Variants in LAMA2 observed in about 807,000 individuals in gnomAD.
LAMA2 encodes the protein laminin subunit alpha 2, also known as laminin subunit alpha-2.
A neutral mutation model predicts 364.8 loss-of-function variants in LAMA2; 269 were observed. The ratio of observed to expected loss-of-function variants is 0.74; its 90% CI spans 0.67 to 0.82. LAMA2 has a LOEUF of 0.82. Among genes scored for constraint, LAMA2 ranks in the 40% least tolerant of loss-of-function variants. The pLI is 0.00. For synonymous variants in LAMA2, 1,379 were observed against 1,370.6 expected (o/e 1.01, Z -0.14); for missense variants, 3,807 against 3,873.2 (o/e 0.98, Z 0.45).
At chr6:129,324,764 A>C (rs1170828290) in intron 28 of LAMA2, among the ~76,000 whole-genome samples, 3 of 152,220 alleles carry the variant, frequency 2.0e-5, no homozygotes, top group Non-Finnish European at 4.4e-5. Flanking sequence ...ATATTTAAAC[A>C]TAGCAAAGGT....
chr6:128,956,522 G>A (rs1781159317), intron 1 of LAMA2, among the ~76,000 whole-genome samples: 1 of 151,948 alleles, frequency 6.6e-6, no homozygotes, highest in Non-Finnish European at 1.5e-5. Context: ...CAATCAAATA[G>A]GAGAGATAAA....
At chr6:129,117,905 G>A (rs988772542) in intron 4 of LAMA2, among the ~76,000 whole-genome samples, 5 of 152,136 alleles carry the variant, frequency 3.3e-5, no homozygotes, top group African/African-American at 1.2e-4. Flanking sequence ...TATAGTCTGC[G>A]TGCTCAGCCA....
chr6:128,901,081 C>T (rs1006912443), intron 1 of LAMA2, among the ~76,000 whole-genome samples: 8 of 152,250 alleles, frequency 5.3e-5, no homozygotes, highest in South Asian at 2.1e-4. Flanking sequence ...TACTTGAACC[C>T]GGGAGGTCGA....
At chr6:128,968,879 G>A (rs1249673534) in intron 1 of LAMA2, among the ~76,000 whole-genome samples, 4 of 152,128 alleles carry the variant, frequency 2.6e-5, no homozygotes, top group Non-Finnish European at 2.9e-5. Flanking sequence ...TATTCTAAAT[G>A]TTGGGAATTG....
In LAMA2 at chr6:129,464,271, G is replaced by T; in HGVS notation, c.6993-19G>T. On this transcript the variant is annotated intron_variant, in intron 49 of 64. Coordinates refer to ENST00000421865, the MANE Select transcript of LAMA2 (RefSeq NM_000426.4). ...TGAATAGATATGATCTGATTCATGT[G>T]AAATGTCTCTCTTCTCAGTCCTCAG... is the stretch of plus-strand genomic sequence containing the variant. 6.2e-7 allele frequency: 1 copy of T among 1,603,636 alleles called. No homozygotes were observed. Among genetic ancestry groups the T allele is most frequent in the Non-Finnish European group, 8.5e-7 (1 of 1,171,128 alleles).
At chr6:129,279,925 C>CT (rs1788603490) in intron 17 of LAMA2, 136 bp from the exon 18 acceptor site, 1 of 723,160 alleles carries the variant, frequency 1.4e-6, no homozygotes, top group Non-Finnish European at 2.5e-6. Flanking sequence ...ACCCTAATCT[C>CT]TGTCTCTGGG....
chr6:129,297,225 A>G (rs1773240007), intron 20 of LAMA2, among the ~76,000 whole-genome samples: 2 of 152,214 alleles, frequency 1.3e-5, no homozygotes, highest in Admixed American at 6.5e-5. Context: ...TATTAGGGCA[A>G]AAAGGATTAT....
chr6:129,243,865 AAGAAGG>A (rs1455002442), intron 12 of LAMA2, among the ~76,000 whole-genome samples: 1 of 151,886 alleles, frequency 6.6e-6, no homozygotes, highest in Non-Finnish European at 1.5e-5. Context: ...AAAGAAGAAG[AAGAAGG>A]AGGAGGAAGA....
At chr6:128,898,263 G>C (rs1292186850) in intron 1 of LAMA2, among the ~76,000 whole-genome samples, 1 of 152,136 alleles carries the variant, frequency 6.6e-6, no homozygotes, top group Non-Finnish European at 1.5e-5. Context: ...CCTGGTTATG[G>C]ATGGTAATAG....
At chr6:129,394,562 T>C (rs1779501371) in intron 37 of LAMA2, among the ~76,000 whole-genome samples, 2 of 152,324 alleles carry the variant, frequency 1.3e-5, no homozygotes, top group African/African-American at 4.8e-5. Context: ...ATGCTAGCAG[T>C]ATTCCAGAAA....
chr6:129,077,865 G>A (rs1304447068), intron 3 of LAMA2, among the ~76,000 whole-genome samples: 1 of 152,172 alleles, frequency 6.6e-6, no homozygotes, highest in Non-Finnish European at 1.5e-5. Flanking sequence ...CAGGATTTGA[G>A]GGAGTGGAGG....
At chr6:129,089,046 C>T (rs1189800026) in intron 3 of LAMA2, among the ~76,000 whole-genome samples, 1 of 152,244 alleles carries the variant, frequency 6.6e-6, no homozygotes, top group East Asian at 1.9e-4. Flanking sequence ...GTGAACGAGA[C>T]TCCGTCTGCA....
chr6:129,160,436 T>A (rs1205786887), intron 8 of LAMA2, among the ~76,000 whole-genome samples: 2 of 152,110 alleles, frequency 1.3e-5, no homozygotes, highest in Non-Finnish European at 2.9e-5. Flanking sequence ...TATATAGATA[T>A]CCCCTGTGTA....
intron 1 of LAMA2, among the ~76,000 whole-genome samples, chr6:128,908,178 T>G (rs538605616): frequency 0.01 from 1,537 of 149,560 alleles, 30 homozygotes; most frequent in African/African-American, 0.036. Context: ...TTCCCTCTTT[T>G]TCTATTGATT....
intron 55 of LAMA2, among the ~76,000 whole-genome samples, chr6:129,483,551 AAT>A (rs1583857133): frequency 6.6e-6 from 1 of 152,192 alleles, no homozygotes; most frequent in African/African-American, 2.4e-5. Context: ...CAATATTAAA[AAT>A]ATGTCATTTC....
chr6:129,047,830 T>C (rs758226356), intron 1 of LAMA2, among the ~76,000 whole-genome samples: 9 of 152,238 alleles, frequency 5.9e-5, no homozygotes, highest in Non-Finnish European at 1.3e-4. Context: ...CCTAATTTAC[T>C]TTCTTTTTTA....
chr6:129,505,351 G>A lies in LAMA2; in HGVS notation c.8699G>A (p.Gly2900Asp), dbSNP rs1393958569. The change falls in exon 61 of 65, where the codon GGT becomes GAT. Residue 2900 changes from glycine (G) to aspartate (D), a missense_variant. By Grantham distance (94) the Gly-to-Asp change is moderately conservative. This residue lies in a region of LAMA2 where 3,333 missense variants were observed against 3,345.7 expected (regional missense o/e 1.00). Transcript: ENST00000421865. ...ATCAACTACACTACCCGAAGAATTG[G>A]TCCAGTAAATATCTGATTTCTTCTT... is the stretch of plus-strand genomic sequence containing the variant. ...LPINYTTRRI[G>D]PVTYSIDGCV... 1 of 1,611,398 alleles carries A rather than the reference G, an allele frequency of 6.2e-7. No individual in the cohort carries two copies. The highest frequency in any genetic ancestry group is 1.7e-5 in the Admixed American group (1 of 60,018).
chr6:129,107,305 T>C (rs774376845), intron 4 of LAMA2, among the ~76,000 whole-genome samples: 4 of 152,168 alleles, frequency 2.6e-5, no homozygotes, highest in Non-Finnish European at 5.9e-5. Context: ...TACGATATGA[T>C]AGTATTTCCA....
Position 129,297,443 on chromosome 6 carries a change from A to C in LAMA2, c.2857-242A>C, listed in dbSNP as rs1773256216. The stretch of plus-strand genomic sequence containing the variant: ...GGCTGGTGAAAATACAACAGACAGT[A>C]AAGGAAGCGCCTAATTCTGCAGTTA... On this transcript the variant is annotated intron_variant, in intron 20 of 64. Transcript: ENST00000421865. Among the ~76,000 whole-genome samples the C allele has an allele frequency of 1.3e-5, 2 of 152,226 alleles. 1 individual carries two copies. The highest frequency in any genetic ancestry group is 4.1e-4 in the South Asian group (2 of 4,830).
Sources: allele counts gnomAD v4.1 joint callset (sites outside exome capture counted in the v4.1 genomes callset), GRCh38; gene constraint gnomAD v4.1.1; regional missense constraint gnomAD v4.1.1; transcripts MANE v1.5; gene names NCBI Gene and HGNC (gene_info 2026-07-23, HGNC 2026-07-21).